ADAM8: variants seen among roughly 807,000 people sequenced by gnomAD.
The protein encoded by ADAM8 is ADAM metallopeptidase domain 8, also known as disintegrin and metalloproteinase domain-containing protein 8.
A neutral mutation model predicts 102.4 loss-of-function variants in ADAM8; 104 were observed. The observed-to-expected ratio is 1.02, with a 90% CI of 0.87 to 1.20. The LOEUF is 1.20. ADAM8 is among the 50% of genes most tolerant of loss of function. ADAM8 has a pLI of 0.00. For synonymous variants in ADAM8, 517 were observed against 485.2 expected, an observed-to-expected ratio of 1.07 and a Z score of -0.86; for missense variants, 1,132 against 1,159.0, an observed-to-expected ratio of 0.98 and a Z score of 0.34.
Position 133,262,875 on chromosome 10 carries a change from A to T in ADAM8, c.*281T>A. 1.9e-6 allele frequency: 1 copy of T among 519,442 alleles called. No individual in the cohort carries two copies. 32.2% of individuals were successfully genotyped at this position (519,442 alleles called of 1,614,324 possible). A position where few individuals can be genotyped will look rare whatever the true frequency, so the allele number is the denominator to read the frequency against. On this transcript the variant is annotated 3_prime_UTR_variant, in exon 23 of 23. Coordinates refer to ENST00000445355, the MANE Select transcript of ADAM8 (RefSeq NM_001109.5). ...CAGCGGGAGACCAGCGGCCACCTGG[A>T]GACACGTACACACACACGCACCCGC... is the stretch of plus-strand genomic sequence containing the variant.
In ADAM8 at chr10:133,271,195, C is replaced by T; in HGVS notation, c.1374+5G>A. The T allele has an allele frequency of 6.2e-7, 1 of 1,610,332 alleles. No homozygotes were observed. On this transcript the variant is annotated splice_donor_5th_base_variant and intron_variant, in intron 13 of 22. Transcript: ENST00000445355. ...TGGGGGTCACTGGTGGGAGGCTGCA[C>T]TCACCTTGCACTCCTGGCAGCAGGT...
rs559135741 is a variant in ADAM8 at position 133,262,728 on chromosome 10, C to T, written c.*428G>A. 155 of 169,698 alleles carry T rather than the reference C, an allele frequency of 9.1e-4. 3 individuals are homozygous for T. In the South Asian group the frequency reaches 0.018, roughly 20 times the overall value. 10.5% of individuals were successfully genotyped at this position (169,698 alleles called of 1,614,324 possible). On this transcript the variant is annotated 3_prime_UTR_variant, in exon 23 of 23. Transcript: ENST00000445355. ...GGGGAACCTGGTCCTGGGATGGAGT[C>T]TTTCTGGGGATGCCCCACGTCTGTG...
At position 133,272,872 on chromosome 10, in the gene ADAM8, G is replaced by C; in HGVS notation, c.637-6C>G. The C allele has an allele frequency of 6.2e-7, 1 of 1,611,398 alleles. No homozygotes were observed. Among genetic ancestry groups the C allele is most frequent in the Non-Finnish European group, 8.5e-7 (1 of 1,178,852 alleles). ...TCGCTCCCCAGCATCTGGAACTGGG[G>C]ACACGAGACCCTCAGGCTGGAGCCC... On this transcript the variant is annotated splice_region_variant and splice_polypyrimidine_tract_variant and intron_variant, in intron 7 of 22. Coordinates refer to ENST00000445355, the MANE Select transcript of ADAM8 (RefSeq NM_001109.5).
chr10:133,267,610 C>T (rs1026400046), intron 20 of ADAM8, among the ~76,000 whole-genome samples, 193 bp from the exon 21 acceptor site: 7 of 152,238 alleles, frequency 4.6e-5, no homozygotes, highest in Admixed American at 1.3e-4. Context: ...AGCTGGGGGC[C>T]GGAGAGCATT....
chr10:133,273,166 C>T lies in ADAM8; in HGVS notation c.573+88G>A, dbSNP rs150478228. 2,262 of 1,580,424 alleles carry T rather than the reference C, an allele frequency of 1.4e-3. 4 individuals are homozygous for T. Among genetic ancestry groups the T allele is most frequent in the Non-Finnish European group, 1.8e-3 (2,084 of 1,157,926 alleles). ...TCCAGGCTGCAGACAATGGGCAGCACCCAGCACATGGGGAGCCAGGAGGAC... is the reference window on the plus strand; with the variant it reads ...TCCAGGCTGCAGACAATGGGCAGCATCCAGCACATGGGGAGCCAGGAGGAC... On this transcript the variant is annotated intron_variant, in intron 6 of 22. Coordinates refer to ENST00000445355, the MANE Select transcript of ADAM8 (RefSeq NM_001109.5).
intron 21 of ADAM8, among the ~76,000 whole-genome samples, chr10:133,265,789 C>T (rs1271684759): frequency 6.6e-6 from 1 of 151,258 alleles, no homozygotes; most frequent in East Asian, 1.9e-4. Context: ...CAGAACGAGA[C>T]TCCATCTCAA....
At chr10:133,274,127 CG>C in intron 3 of ADAM8, 31 bp downstream of exon 3, 1 of 1,582,278 alleles carries the variant, frequency 6.3e-7, no homozygotes. Context: ...GAGCCAGGCC[CG>C]GGCAGGGGGG....
chr10:133,272,257 C>T lies in ADAM8; in HGVS notation c.893G>A (p.Gly298Glu), dbSNP rs906362860. ...CACCCTGGCAAACCCCACGGTAGTC[C>T]CGGTGAAGTCGACACCCCTGGAAGT... ...VQLITGVDFT[G>E]TTVGFARVSA... Residue 298 changes from glycine (G) to glutamate (E), a missense_variant, in exon 10 of 23, where the codon GGG becomes GAG. By Grantham distance (98) the Gly-to-Glu change is moderately conservative (BLOSUM62 -2). Coordinates refer to ENST00000445355, the MANE Select transcript of ADAM8 (RefSeq NM_001109.5). 3 of 1,537,982 alleles carry T rather than the reference C, an allele frequency of 2.0e-6. No homozygotes were observed. The highest frequency in any genetic ancestry group is 2.6e-6 in the Non-Finnish European group (3 of 1,138,388).
chr10:133,274,089 G>T (rs1018940771), intron 3 of ADAM8, 60 bp from the exon 4 acceptor site: 1 of 1,587,648 alleles, frequency 6.3e-7, no homozygotes, highest in Non-Finnish European at 8.6e-7. Flanking sequence ...TGGCCCAGAG[G>T]CTGGACGCCG....
Position 133,268,114 on chromosome 10 carries a change from C to T in ADAM8, c.2068G>A (p.Val690Met), listed in dbSNP as rs149418021. The stretch of plus-strand genomic sequence containing the variant: ...CGCCCCATTGTGGTCTTGGGAGCCA[C>T]GTTCCTGGGGAGGAAGCACAGGGCG... ...KARSRILSRN[V>M]APKTTMGRSN... The change falls in exon 20 of 23, where the codon GTG becomes ATG. Residue 690 changes from valine (V) to methionine (M), a missense_variant. Val to Met is a conservative substitution (Grantham distance 21). Coordinates refer to ENST00000445355, the MANE Select transcript of ADAM8 (RefSeq NM_001109.5). 1.3e-4 allele frequency: 159 copies of T among 1,268,922 alleles called. 1 individual carries two copies. The East Asian group carries it at 3.8e-3, about 30-fold the overall frequency. The allele number at this position is 1,268,922 out of a possible 1,614,324, so 78.6% of individuals were successfully genotyped here.
At chr10:133,264,015 C>A in intron 21 of ADAM8, 1 of 391,938 alleles carries the variant, frequency 2.6e-6, no homozygotes, top group Non-Finnish European at 4.5e-6. Context: ...TCCACATCCC[C>A]TAACCAACCC....
At position 133,262,562 on chromosome 10, in the gene ADAM8, G is replaced by A. The variant is rs970377598; in HGVS notation, c.*594C>T. On this transcript the variant is annotated 3_prime_UTR_variant, in exon 23 of 23. Transcript: ENST00000445355. The stretch of plus-strand genomic sequence containing the variant: ...TCTCCCACATAGCCCTTTCCATAAA[G>A]GCGATTCCTAAGCTTAAACACACAC... 6.5e-6 allele frequency: 1 copy of A among 153,054 alleles called. No individual in the cohort carries two copies. Among genetic ancestry groups the A allele is most frequent in the East Asian group, 1.9e-4 (1 of 5,186 alleles). The allele number at this position is 153,054 out of a possible 1,614,324, so 9.5% of individuals were successfully genotyped here.
rs1564925521 is a variant in ADAM8, at chr10:133,272,394, CCTGCCCGCT to C, written c.875+13_875+21del. On this transcript the variant is annotated intron_variant, in intron 9 of 22. Coordinates refer to ENST00000445355, the MANE Select transcript of ADAM8 (RefSeq NM_001109.5). ...GCCCTCCCTCCCCAGCCCTCCCCAC[CCTGCCCGCT>C]CCGCCAGCTCACGTGATGAGCTGTA... 4 of 1,546,476 alleles carry C rather than the reference CCTGCCCGCT, an allele frequency of 2.6e-6. No individual in the cohort carries two copies. In the South Asian group the frequency reaches 4.8e-5, roughly 19 times the overall value.
intron 2 of ADAM8, chr10:133,275,057 G>C (rs1467013322): frequency 3.5e-6 from 1 of 282,778 alleles, no homozygotes; most frequent in African/African-American, 2.3e-5. Flanking sequence ...CAGGCTTCAG[G>C]AATCACCCTC....
intron 17 of ADAM8, 126 bp downstream of exon 17, chr10:133,269,771 C>T: frequency 8.6e-7 from 1 of 1,167,116 alleles, no homozygotes. Flanking sequence ...CCACAGAGAC[C>T]CCCATGGACA....
chr10:133,267,100 GAGT>G (rs1846346606), intron 21 of ADAM8, among the ~76,000 whole-genome samples: 1 of 152,152 alleles, frequency 6.6e-6, no homozygotes, highest in Admixed American at 6.5e-5. Context: ...GAGCAGGTCT[GAGT>G]GGAAGGAGAA....
At position 133,271,922 on chromosome 10, in the gene ADAM8, A is replaced by G. The variant is rs1131719; in HGVS notation, c.990T>C (p.Cys330=). 1,451,036 of 1,612,550 alleles carry G rather than the reference A, an allele frequency of 0.9. 653,644 individuals are homozygous for G. Among genetic ancestry groups the G allele is most frequent in the African/African-American group, 0.98 (73,215 of 75,052 alleles). ...TGTGGCCCATCTCATGGGCCATGGT[A>G]CAGGCCACGCCCACGGGGTTCTTGC... ...DHSKNPVGVA[C]TMAHEMGHNL... Residue 330 remains cysteine, a synonymous_variant, in exon 11 of 23, where the codon TGT becomes TGC. Transcript: ENST00000445355.
intron 14 of ADAM8, 37 bp downstream of exon 14, chr10:133,270,844 C>A (rs1305537512): frequency 1.2e-6 from 2 of 1,610,360 alleles, no homozygotes; most frequent in Non-Finnish European, 1.7e-6. Flanking sequence ...GCAAGGCCTG[C>A]AGCCACCCTG....
intron 6 of ADAM8, 79 bp from the exon 7 acceptor site, chr10:133,273,098 G>T: frequency 1.2e-6 from 2 of 1,604,766 alleles, no homozygotes; most frequent in Non-Finnish European, 1.7e-6. Flanking sequence ...CGGGGCCACT[G>T]TCCAGCCCCT....
Sources: gnomAD v4.1 joint callset for allele counts (sites outside exome capture counted in the v4.1 genomes callset) on GRCh38, gnomAD v4.1.1 for gene constraint, MANE v1.5 for transcripts, NCBI Gene and HGNC (gene_info 2026-07-23, HGNC 2026-07-21) for gene names.